Variants in ADGRB1 observed in about 807,000 individuals in gnomAD.
The protein encoded by ADGRB1 is brain-specific angiogenesis inhibitor 1.
Under a neutral mutation model 175.7 loss-of-function variants are expected in ADGRB1, and 36 were observed. That is an observed-to-expected ratio of 0.20 (90% CI 0.16 to 0.27). ADGRB1 has a LOEUF of 0.27. Among genes scored for constraint, ADGRB1 ranks in the 10% least tolerant of loss-of-function variants. The probability of loss-of-function intolerance (pLI) is 1.00; values close to 1 mark genes in which losing one functional copy is unlikely to be tolerated. For synonymous variants in ADGRB1, 1,054 were observed against 979.4 expected, an observed-to-expected ratio of 1.08 and a Z score of -1.42; for missense variants, 1,731 against 2,255.3, an observed-to-expected ratio of 0.77 and a Z score of 4.71.
chr8:142,459,539 G>T (rs1297797499), intron 1 of ADGRB1, among the ~76,000 whole-genome samples: 2 of 152,160 alleles, frequency 1.3e-5, no homozygotes, highest in Admixed American at 1.3e-4. Flanking sequence ...TCCTCTCCCA[G>T]CCCCGTCTCT....
chr8:142,516,019 A>G (rs79976015), intron 18 of ADGRB1, among the ~76,000 whole-genome samples: 2,122 of 152,362 alleles, frequency 0.014, 51 homozygotes, highest in East Asian at 0.044. Flanking sequence ...GTGCTTCTGC[A>G]CACGAAGAGA....
chr8:142,514,251 C>T (rs886935971), intron 18 of ADGRB1, among the ~76,000 whole-genome samples: 3 of 151,842 alleles, frequency 2.0e-5, no homozygotes, highest in South Asian at 2.1e-4. Flanking sequence ...GTGGGCACCC[C>T]GGGAGCCAGG....
At chr8:142,534,196 G>A (rs1235140019) in intron 25 of ADGRB1, among the ~76,000 whole-genome samples, 1 of 152,222 alleles carries the variant, frequency 6.6e-6, no homozygotes, top group Non-Finnish European at 1.5e-5. Context: ...CCAGGCTTCG[G>A]CCAGCTGCAA....
At chr8:142,514,042 G>A (rs1396086605) in intron 18 of ADGRB1, among the ~76,000 whole-genome samples, 2 of 151,942 alleles carry the variant, frequency 1.3e-5, no homozygotes, top group Non-Finnish European at 2.9e-5. Flanking sequence ...TGGCAGTTGG[G>A]GAGGCGGCCA....
rs1421209296 is a variant in ADGRB1, at chr8:142,511,696, G to T, written c.2817+623G>T. ...GGCATCTGGGGTCAGCCGCTGGCAG[G>T]GGCCCTGGGTGCTGGGCGCAGCTCC... On this transcript the variant is annotated intron_variant, in intron 18 of 30. Coordinates refer to ENST00000517894, the MANE Select transcript of ADGRB1 (RefSeq NM_001702.3). This position sits in a 1 kb window ranked among gnomAD's most constrained non-coding sequence, Gnocchi z 4.5. Among the ~76,000 whole-genome samples the T allele has an allele frequency of 6.6e-6, 1 of 152,202 alleles. No individual in the cohort carries two copies.
intron 17 of ADGRB1, among the ~76,000 whole-genome samples, chr8:142,502,438 GTGGTGGT>G (rs1842653636): frequency 0.029 from 19 of 646 alleles, 7 homozygotes; most frequent in African/African-American, 0.098. Flanking sequence ...GGTGGTGGTA[GTGGTGGT>G]GATGATGGGG....
intron 17 of ADGRB1, among the ~76,000 whole-genome samples, chr8:142,491,278 A>G (rs766697424): frequency 1.3e-5 from 2 of 152,230 alleles, no homozygotes; most frequent in Non-Finnish European, 2.9e-5. Flanking sequence ...TTCAGTGGCC[A>G]TATATCCTGT....
At position 142,479,682 on chromosome 8, in the gene ADGRB1, C is replaced by A; in HGVS notation, c.1727-11C>A. ...CCCCTTCCTGAACCCCTGTCCCGGG[C>A]CCCTTGGCAGAGCCCCATGAGATCT... On this transcript the variant is annotated splice_polypyrimidine_tract_variant and intron_variant, in intron 8 of 30. Coordinates refer to ENST00000517894, the MANE Select transcript of ADGRB1 (RefSeq NM_001702.3). 6 of 1,610,298 alleles carry A rather than the reference C, an allele frequency of 3.7e-6. 1 individual carries two copies. Among genetic ancestry groups the A allele is most frequent in the African/African-American group, 1.3e-5 (1 of 74,556 alleles).
In ADGRB1 at chr8:142,526,080, G is replaced by T. The variant is rs559858251; in HGVS notation, c.3313-462G>T. ...CCCTGGGTGCAGGCGCCCAGCCAGG[G>T]CCCTTATGGGGTGGGCAGTTAATCT... On this transcript the variant is annotated intron_variant, in intron 23 of 30. Coordinates refer to ENST00000517894, the MANE Select transcript of ADGRB1 (RefSeq NM_001702.3). Among the ~76,000 whole-genome samples, 3 of 152,288 alleles carry T rather than the reference G, an allele frequency of 2.0e-5. No individual in the cohort carries two copies. The South Asian group carries it at 6.2e-4, about 32-fold the overall frequency.
Position 142,478,371 on chromosome 8 carries a change from C to T in ADGRB1, c.1561+11C>T, listed in dbSNP as rs981383742. On this transcript the variant is annotated intron_variant, in intron 7 of 30. Transcript: ENST00000517894. ...TGCAGCAGTGCCCAGGTCAGGGGTG[C>T]GCCAGGCTGGGGTCGGGGGGCACCT... The T allele has an allele frequency of 8.8e-6, 14 of 1,584,814 alleles. No individual in the cohort carries two copies. The highest frequency in any genetic ancestry group is 1.7e-5 in the Admixed American group (1 of 57,538).
At chr8:142,523,362 G>A (rs1285777757) in intron 22 of ADGRB1, among the ~76,000 whole-genome samples, 2 of 151,230 alleles carry the variant, frequency 1.3e-5, no homozygotes, top group African/African-American at 4.9e-5. Flanking sequence ...GAGCAGTGGG[G>A]AGCGCGAGGC....
Position 142,510,993 on chromosome 8 carries a change from C to T in ADGRB1, c.2737C>T (p.Pro913Ser). Residue 913 changes from proline (P) to serine (S), a missense_variant, in exon 18 of 31, where the codon CCC becomes TCC. Pro to Ser is a moderately conservative substitution (Grantham distance 74). Transcript: ENST00000517894. This position sits in a 1 kb window ranked among gnomAD's most constrained non-coding sequence, Gnocchi z 6.3. Reference sequence around the variant, plus strand: ...GTCGTGGCGCGGCTGCCGCACGGTGCCCCTCGACGCCCTCCGGACGCGCTG... The same window carrying T: ...GTCGTGGCGCGGCTGCCGCACGGTGTCCCTCGACGCCCTCCGGACGCGCTG... The part of the protein sequence containing the change: ...PWSWRGCRTV[P>S]LDALRTRCLC... 3.1e-6 allele frequency: 4 copies of T among 1,306,032 alleles called. No homozygotes were observed. Among genetic ancestry groups the T allele is most frequent in the Non-Finnish European group, 3.0e-6 (3 of 1,009,766 alleles). The allele number at this position is 1,306,032 out of a possible 1,614,324, so 80.9% of individuals were successfully genotyped here.
At chr8:142,507,154 A>G (rs1201724734) in intron 17 of ADGRB1, among the ~76,000 whole-genome samples, 3 of 152,202 alleles carry the variant, frequency 2.0e-5, no homozygotes, top group Non-Finnish European at 4.4e-5. Flanking sequence ...AAATCAAATG[A>G]TAAACTGCCA....
intron 7 of ADGRB1, 72 bp downstream of exon 7, chr8:142,478,432 A>G (rs2131806200): frequency 6.8e-7 from 1 of 1,462,346 alleles, no homozygotes; most frequent in Middle Eastern, 2.5e-4. Flanking sequence ...GACAGGCCCC[A>G]CAGCGGGTGG....
chr8:142,522,221 G>C, intron 21 of ADGRB1, 106 bp downstream of exon 21: 1 of 1,462,588 alleles, frequency 6.8e-7, no homozygotes, highest in Non-Finnish European at 9.1e-7. Context: ...GACCCCTGGG[G>C]CCTCAGTTGC....
chr8:142,457,127 C>T (rs1471775299), intron 1 of ADGRB1, among the ~76,000 whole-genome samples: 3 of 152,180 alleles, frequency 2.0e-5, no homozygotes, highest in Admixed American at 6.5e-5. Flanking sequence ...ACCTGAGGGC[C>T]GTTGGAAAGC....
Position 142,455,091 on chromosome 8 carries a change from C to A in ADGRB1, c.-220+4987C>A, listed in dbSNP as rs1839586028. 3.3e-5 allele frequency among the ~76,000 whole-genome samples: 5 copies of A among 150,652 alleles called. No individual in the cohort carries two copies. Among genetic ancestry groups the A allele is most frequent in the Admixed American group, 3.3e-4 (5 of 15,112 alleles). ...TTGACACCAGCACCCTCACTGCCCCCCTACCATCTCACCCCACCCCATCAC... is the reference window on the plus strand; with the variant it reads ...TTGACACCAGCACCCTCACTGCCCCACTACCATCTCACCCCACCCCATCAC... On this transcript the variant is annotated intron_variant, in intron 1 of 30. Coordinates refer to ENST00000517894, the MANE Select transcript of ADGRB1 (RefSeq NM_001702.3). The surrounding 1 kb of genome is among the most constrained non-coding windows in gnomAD (Gnocchi z 4.9).
In ADGRB1 at chr8:142,541,923, C is replaced by G; in HGVS notation, c.3707-18C>G. On this transcript the variant is annotated intron_variant, in intron 27 of 30. Coordinates refer to ENST00000517894, the MANE Select transcript of ADGRB1 (RefSeq NM_001702.3). Reference sequence around the variant, plus strand: ...ACCCCCACACCTGTCCCCGCTGTCTCCCCCGCGGCCCCTGCAGTGCTGAAC... The same window carrying G: ...ACCCCCACACCTGTCCCCGCTGTCTGCCCCGCGGCCCCTGCAGTGCTGAAC... 1.3e-6 allele frequency: 2 copies of G among 1,530,220 alleles called. No homozygotes were observed. The highest frequency in any genetic ancestry group is 1.8e-6 in the Non-Finnish European group (2 of 1,140,652). 94.8% of individuals were successfully genotyped at this position (1,530,220 alleles called of 1,614,324 possible).
At chr8:142,479,243 C>T in intron 7 of ADGRB1, 80 bp from the exon 8 acceptor site, 1 of 1,383,272 alleles carries the variant, frequency 7.2e-7, no homozygotes, top group Non-Finnish European at 9.3e-7. Flanking sequence ...GGGTCCCTGT[C>T]TTTGTGTCCT....
Sources: gnomAD v4.1 joint callset for allele counts (sites outside exome capture counted in the v4.1 genomes callset) on GRCh38, gnomAD v4.1.1 for gene constraint, Gnocchi (gnomAD v3.1) non-coding constraint, MANE v1.5 for transcripts, NCBI Gene and HGNC (gene_info 2026-07-23, HGNC 2026-07-21) for gene names.